MAD1L1: variants seen among roughly 807,000 people sequenced by gnomAD.
MAD1L1 encodes the protein mitotic spindle assembly checkpoint protein MAD1.
A neutral mutation model predicts 96.9 loss-of-function variants in MAD1L1; 95 were observed. The observed-to-expected ratio is 0.98, with a 90% confidence interval of 0.83 to 1.16. MAD1L1 has a LOEUF of 1.16. Among genes scored for constraint, MAD1L1 ranks in the 50% most tolerant of loss-of-function variants. The pLI is 0.00. For missense variants in MAD1L1, 1,007 were observed against 954.4 expected, an observed-to-expected ratio of 1.06 and a Z score of -0.73; for synonymous variants, 473 against 396.6, an observed-to-expected ratio of 1.19 and a Z score of -2.29.
intron 18 of MAD1L1, among the ~76,000 whole-genome samples, chr7:1,874,875 C>A (rs1785299195): frequency 6.6e-6 from 1 of 152,076 alleles, no homozygotes; most frequent in African/African-American, 2.4e-5. Flanking sequence ...TCCGGCTCTG[C>A]AGCATGGAGA....
intron 18 of MAD1L1, among the ~76,000 whole-genome samples, chr7:1,881,639 G>A (rs943501703): frequency 6.6e-5 from 10 of 152,154 alleles, no homozygotes; most frequent in South Asian, 2.1e-4. Flanking sequence ...CACCATCATC[G>A]AGGAAATATT....
At chr7:2,218,912 T>C (rs1265002172) in intron 6 of MAD1L1, among the ~76,000 whole-genome samples, 2 of 150,332 alleles carry the variant, frequency 1.3e-5, no homozygotes, top group Non-Finnish European at 3.0e-5. Context: ...AAAAAAAAAA[T>C]TAGCCAGGTG....
chr7:1,897,409 C>A (rs888051839), intron 18 of MAD1L1, among the ~76,000 whole-genome samples: 2 of 152,222 alleles, frequency 1.3e-5, no homozygotes, highest in African/African-American at 4.8e-5. Context: ...GAAGCAGCCA[C>A]ATGCCAAGAC....
intron 17 of MAD1L1, among the ~76,000 whole-genome samples, chr7:1,902,069 G>C (rs540257183): frequency 2.6e-5 from 4 of 152,162 alleles, no homozygotes; most frequent in Non-Finnish European, 5.9e-5. Context: ...AGGATGCAGC[G>C]GCGGCTGCCC....
intron 18 of MAD1L1, chr7:1,838,854 A>T (rs199856776): frequency 5.1e-5 from 24 of 471,314 alleles, no homozygotes; most frequent in Non-Finnish European, 9.7e-5. Context: ...GCCGAGAAGA[A>T]GGTATGACTG....
intron 18 of MAD1L1, among the ~76,000 whole-genome samples, chr7:1,876,578 GATGGGCT>G (rs1785397277): frequency 6.6e-6 from 1 of 152,032 alleles, no homozygotes. Flanking sequence ...AAGAGGGTGG[GATGGGCT>G]CACAGGGACT....
At chr7:2,021,168 G>A (rs1402003962) in intron 12 of MAD1L1, among the ~76,000 whole-genome samples, 4 of 152,172 alleles carry the variant, frequency 2.6e-5, no homozygotes, top group African/African-American at 7.2e-5. Flanking sequence ...AGTATCTGCC[G>A]TGATAATGGC....
intron 13 of MAD1L1, 108 bp downstream of exon 13, chr7:2,014,394 C>T: frequency 3.6e-6 from 5 of 1,385,016 alleles, no homozygotes; most frequent in Non-Finnish European, 4.8e-6. Context: ...CAGCCGGGAA[C>T]TGGGGAGGCG....
intron 17 of MAD1L1, 50 bp from the exon 18 acceptor site, chr7:1,898,440 G>A (rs766794146): frequency 1.9e-6 from 3 of 1,561,046 alleles, no homozygotes; most frequent in South Asian, 1.2e-5. Context: ...GGCCGGAGGG[G>A]TGGGGACCCG....
In MAD1L1 at chr7:2,134,457, T is replaced by C. The variant is rs555753448; in HGVS notation, c.1073+14695A>G. Reference sequence around the variant, plus strand: ...AGACAGTTTTATTTCTTCCTTCCTTTATTCCCTCTTCTTGTCTTACTGCAC... The same window carrying C: ...AGACAGTTTTATTTCTTCCTTCCTTCATTCCCTCTTCTTGTCTTACTGCAC... On this transcript the variant is annotated intron_variant, in intron 11 of 18. Coordinates refer to ENST00000265854, the MANE Select transcript of MAD1L1 (RefSeq NM_001013836.2). Among the ~76,000 whole-genome samples the C allele has an allele frequency of 2.4e-4, 37 of 152,324 alleles. No individual in the cohort carries two copies. The East Asian group carries it at 2.7e-3, about 11-fold the overall frequency.
At chr7:2,054,105 A>G (rs1478248012) in intron 12 of MAD1L1, among the ~76,000 whole-genome samples, 1 of 152,152 alleles carries the variant, frequency 6.6e-6, no homozygotes, top group East Asian at 1.9e-4. Flanking sequence ...CTCCCCCAAC[A>G]CAGTGCTGTG....
At chr7:2,111,215 T>C (rs1351877412) in intron 11 of MAD1L1, among the ~76,000 whole-genome samples, 1 of 152,200 alleles carries the variant, frequency 6.6e-6, no homozygotes, top group African/African-American at 2.4e-5. Context: ...CCATGCGGTC[T>C]GTGTGATCGT....
At chr7:2,096,313 C>T (rs979551734) in intron 11 of MAD1L1, among the ~76,000 whole-genome samples, 5 of 152,190 alleles carry the variant, frequency 3.3e-5, no homozygotes, top group African/African-American at 9.7e-5. Context: ...AGTCCTCCGG[C>T]GCAAAGAGCT....
intron 10 of MAD1L1, among the ~76,000 whole-genome samples, chr7:2,177,429 C>G (rs1251675562): frequency 6.6e-6 from 1 of 152,192 alleles, no homozygotes; most frequent in Non-Finnish European, 1.5e-5. Flanking sequence ...AATATTTTGT[C>G]TCAACATTGT....
At chr7:2,171,094 A>T (rs1790683770) in intron 10 of MAD1L1, among the ~76,000 whole-genome samples, 2 of 152,270 alleles carry the variant, frequency 1.3e-5, no homozygotes, top group Admixed American at 1.3e-4. Flanking sequence ...CTGCTACGCC[A>T]CTGGTGGCTG....
At chr7:2,228,439 G>A (rs561239362) in intron 3 of MAD1L1, among the ~76,000 whole-genome samples, 2 of 152,126 alleles carry the variant, frequency 1.3e-5, no homozygotes, top group South Asian at 2.1e-4. Flanking sequence ...TTTTAGTAGA[G>A]ATGAGGTCTT....
chr7:1,936,965 AT>A, intron 16 of MAD1L1, 68 bp from the exon 17 acceptor site: 1 of 1,246,774 alleles, frequency 8.0e-7, no homozygotes, highest in Non-Finnish European at 1.1e-6. Context: ...CACACACAGC[AT>A]GGGTCACCAT....
chr7:2,188,445 A>G (rs1791564225), intron 10 of MAD1L1, among the ~76,000 whole-genome samples: 1 of 152,242 alleles, frequency 6.6e-6, no homozygotes, highest in East Asian at 1.9e-4. Context: ...AAAACTTACT[A>G]CAAAGCCACA....
intron 17 of MAD1L1, among the ~76,000 whole-genome samples, chr7:1,905,805 T>G (rs1359984697): frequency 2.6e-5 from 4 of 152,064 alleles, no homozygotes; most frequent in Admixed American, 2.0e-4. Flanking sequence ...ATCCCAGCAC[T>G]CTGGGAGGCC....
Sources: allele counts gnomAD v4.1 joint callset (sites outside exome capture counted in the v4.1 genomes callset), GRCh38; gene constraint gnomAD v4.1.1; transcripts MANE v1.5; gene names NCBI Gene and HGNC (gene_info 2026-07-23, HGNC 2026-07-21).